KAZN: variants seen among roughly 807,000 people sequenced by gnomAD.
KAZN encodes kazrin.
In KAZN, 40 loss-of-function variants were observed where a neutral mutation model predicts 87.4. That is an observed-to-expected ratio of 0.46 (90% CI 0.36 to 0.60). The LOEUF (loss-of-function observed/expected upper bound fraction) is 0.60. KAZN is among the 20% of genes least tolerant of loss of function. KAZN has a pLI of 0.00. For missense variants in KAZN, 898 were observed against 1,073.9 expected (o/e 0.84, Z 2.29); for synonymous variants, 466 against 458.3 (o/e 1.02, Z -0.22).
At chr1:15,012,980 G>A (rs911802360) in intron 2 of KAZN, among the ~76,000 whole-genome samples, 8 of 152,188 alleles carry the variant, frequency 5.3e-5, no homozygotes, top group African/African-American at 1.9e-4. Flanking sequence ...GGCACCAGGC[G>A]TGGTCCCAGC....
chr1:13,921,799 T>C (rs78119563), intron 1 of KAZN, among the ~76,000 whole-genome samples: 1 of 151,876 alleles, frequency 6.6e-6, no homozygotes, highest in Admixed American at 6.6e-5. Flanking sequence ...ACCTGGCTAA[T>C]GTTTTGTATT....
At chr1:14,481,233 T>C (rs1015990136) in intron 2 of KAZN, among the ~76,000 whole-genome samples, 11 of 152,144 alleles carry the variant, frequency 7.2e-5, no homozygotes, top group African/African-American at 2.4e-4. Flanking sequence ...AGTTTTCATA[T>C]CTACAAAGTA....
chr1:14,854,445 T>G (rs941160926), intron 1 of KAZN, among the ~76,000 whole-genome samples: 6 of 152,198 alleles, frequency 3.9e-5, no homozygotes, highest in African/African-American at 7.2e-5. Flanking sequence ...TTTTGCAGGC[T>G]GAGAAGTTCA....
chr1:14,607,215 G>A (rs1677441299), intron 1 of KAZN, among the ~76,000 whole-genome samples: 1 of 152,140 alleles, frequency 6.6e-6, no homozygotes, highest in Admixed American at 6.5e-5. Flanking sequence ...CATATAACAA[G>A]CACTGTTTCA....
intron 1 of KAZN, among the ~76,000 whole-genome samples, chr1:14,135,962 C>T (rs1557504663): frequency 6.6e-6 from 1 of 152,148 alleles, no homozygotes; most frequent in Non-Finnish European, 1.5e-5. Flanking sequence ...TCAGAAAGCC[C>T]CCACTTTACA....
At chr1:14,238,961 G>A (rs1648674446) in intron 2 of KAZN, among the ~76,000 whole-genome samples, 1 of 152,330 alleles carries the variant, frequency 6.6e-6, no homozygotes, top group African/African-American at 2.4e-5. Flanking sequence ...GCTGAGGACT[G>A]TGGTTTCATT....
chr1:14,037,301 C>T (rs993982434), intron 1 of KAZN, among the ~76,000 whole-genome samples: 2 of 152,194 alleles, frequency 1.3e-5, no homozygotes, highest in Non-Finnish European at 2.9e-5. Context: ...ATTTGCATGA[C>T]AGGCTGCCCT....
chr1:14,590,636 C>T (rs938790012), intron 2 of KAZN, among the ~76,000 whole-genome samples: 4 of 152,264 alleles, frequency 2.6e-5, no homozygotes, highest in African/African-American at 9.6e-5. Flanking sequence ...ACTGGCAGAC[C>T]ACAGTGGATG....
intron 1 of KAZN, among the ~76,000 whole-genome samples, chr1:14,679,190 GC>G (rs1045818453): frequency 8.5e-5 from 13 of 152,292 alleles, no homozygotes; most frequent in Admixed American, 2.6e-4. Context: ...AAGCGGGCAG[GC>G]CAGGCCATGT....
chr1:14,690,411 C>G (rs1641217560), intron 1 of KAZN, among the ~76,000 whole-genome samples: 1 of 152,186 alleles, frequency 6.6e-6, no homozygotes, highest in Non-Finnish European at 1.5e-5. Context: ...TTTATGTATT[C>G]ACGCTGCAGA....
chr1:15,074,604 G>A (rs1256446174), intron 8 of KAZN, among the ~76,000 whole-genome samples: 1 of 152,230 alleles, frequency 6.6e-6, no homozygotes, highest in Non-Finnish European at 1.5e-5. Context: ...CCAAGGCCAT[G>A]AATGTCCCCC....
intron 2 of KAZN, among the ~76,000 whole-genome samples, chr1:14,997,773 G>A (rs1668046954): frequency 6.6e-6 from 1 of 152,122 alleles, no homozygotes; most frequent in African/African-American, 2.4e-5. Flanking sequence ...TCAGGACCTG[G>A]GCACCTGGGG....
At chr1:13,893,418 G>C in exon 1 of KAZN, 1 of 466,516 alleles carries the variant, frequency 2.1e-6, no homozygotes, top group Non-Finnish European at 3.7e-6. Flanking sequence ...GCATGGAACT[G>C]CTGCTGTGCA....
At chr1:14,519,298 C>T (rs558607216) in intron 2 of KAZN, among the ~76,000 whole-genome samples, 1 of 152,156 alleles carries the variant, frequency 6.6e-6, no homozygotes, top group Non-Finnish European at 1.5e-5. Context: ...AAGAAAGCAA[C>T]CCTCTGCTTT....
chr1:14,258,262 C>T (rs1318752061), intron 2 of KAZN, among the ~76,000 whole-genome samples: 4 of 147,066 alleles, frequency 2.7e-5, no homozygotes, highest in African/African-American at 1.0e-4. Context: ...TTGACCCAGG[C>T]TGGAGTGCAG....
At chr1:14,671,154 G>A (rs1208011829) in intron 1 of KAZN, among the ~76,000 whole-genome samples, 9 of 152,188 alleles carry the variant, frequency 5.9e-5, no homozygotes, top group South Asian at 2.1e-4. Context: ...ACTTAAATGA[G>A]GGCTGTTGTC....
intron 1 of KAZN, among the ~76,000 whole-genome samples, chr1:14,683,359 C>T (rs572479461): frequency 2.0e-5 from 3 of 152,176 alleles, no homozygotes; most frequent in East Asian, 1.9e-4. Flanking sequence ...ATTAATGGGA[C>T]GTGACTGCAG....
intron 2 of KAZN, among the ~76,000 whole-genome samples, chr1:14,486,572 A>G (rs1262133719): frequency 6.6e-6 from 1 of 152,220 alleles, no homozygotes; most frequent in African/African-American, 2.4e-5. Context: ...GTCTTGTTTT[A>G]TAAGAGGAGC....
chr1:13,943,469 A>G (rs1641015487), intron 1 of KAZN, among the ~76,000 whole-genome samples: 1 of 152,162 alleles, frequency 6.6e-6, no homozygotes, highest in Admixed American at 6.5e-5. Context: ...AAAAAAAATA[A>G]TAACCACCTA....
Sources: gnomAD v4.1 joint callset for allele counts (sites outside exome capture counted in the v4.1 genomes callset) on GRCh38, gnomAD v4.1.1 for gene constraint, MANE v1.5 for transcripts, NCBI Gene and HGNC (gene_info 2026-07-23, HGNC 2026-07-21) for gene names.